The following GBE1 variants were observed in gnomAD, a reference collection of about 807,000 sequenced individuals.
GBE1 encodes the protein 1,4-alpha-glucan branching enzyme 1, also known as 1,4-alpha-glucan-branching enzyme.
Under a neutral mutation model 88.8 loss-of-function variants are expected in GBE1, and 70 were observed. That is an observed-to-expected ratio of 0.79 (90% CI 0.65 to 0.96). The LOEUF (loss-of-function observed/expected upper bound fraction) is 0.96, where lower values mean the gene tolerates loss of function less well. Among genes scored for constraint, GBE1 ranks in the 40% least tolerant of loss-of-function variants. The pLI, the probability that GBE1 is intolerant of heterozygous loss-of-function variation, is 0.00. For synonymous variants in GBE1, 284 were observed against 300.1 expected (o/e 0.95, Z 0.56); for missense variants, 872 against 871.0 (o/e 1.00, Z -0.01).
intron 7 of GBE1, among the ~76,000 whole-genome samples, chr3:81,633,551 A>G (rs1704548196): frequency 1.3e-5 from 2 of 152,200 alleles, no homozygotes; most frequent in African/African-American, 4.8e-5. Context: ...TTAACTATAC[A>G]GATTTCTTTA....
intron 14 of GBE1, among the ~76,000 whole-genome samples, chr3:81,522,100 G>A (rs762567832): frequency 1.3e-5 from 2 of 151,408 alleles, no homozygotes; most frequent in Non-Finnish European, 3.0e-5. Flanking sequence ...TAAGAGGTCT[G>A]GAAAGTATCA....
Position 81,761,574 on chromosome 3 carries a change from C to A in GBE1, c.-57G>T. 6.5e-7 allele frequency: 1 copy of A among 1,548,448 alleles called. No individual in the cohort carries two copies. The highest frequency in any genetic ancestry group is 8.7e-7 in the Non-Finnish European group (1 of 1,149,954). On this transcript the variant is annotated 5_prime_UTR_variant, in exon 1 of 16. Coordinates refer to ENST00000429644, the MANE Select transcript of GBE1 (RefSeq NM_000158.4). ...AGAGGTCGAGTGGGGCCTGAGCGGG[C>A]GCTGGAGCTCTAGCTGGGACGCGGC...
chr3:81,513,948 T>G (rs1353114456), intron 14 of GBE1, among the ~76,000 whole-genome samples: 1 of 151,622 alleles, frequency 6.6e-6, no homozygotes, highest in Non-Finnish European at 1.5e-5. Context: ...CCACTATCCT[T>G]GCAATGAGAG....
At chr3:81,615,757 T>A (rs1418548438) in intron 7 of GBE1, among the ~76,000 whole-genome samples, 1 of 152,228 alleles carries the variant, frequency 6.6e-6, no homozygotes, top group Non-Finnish European at 1.5e-5. Context: ...TGTTTCTGTG[T>A]GAAAACAGTT....
chr3:81,541,222 C>T (rs928753018), intron 12 of GBE1, among the ~76,000 whole-genome samples: 5 of 151,694 alleles, frequency 3.3e-5, no homozygotes, highest in African/African-American at 7.3e-5. Flanking sequence ...TATCAGAGGA[C>T]GATATTAACT....
At chr3:81,626,628 G>C (rs1025899975) in intron 7 of GBE1, among the ~76,000 whole-genome samples, 1 of 151,648 alleles carries the variant, frequency 6.6e-6, no homozygotes, top group Non-Finnish European at 1.5e-5. Flanking sequence ...CAGCCCCAGT[G>C]CATGAAAAGC....
intron 14 of GBE1, among the ~76,000 whole-genome samples, chr3:81,504,373 A>G (rs964746090): frequency 6.6e-6 from 1 of 152,064 alleles, no homozygotes; most frequent in Admixed American, 6.6e-5. Context: ...GAGATTTACT[A>G]TACTTGTTCT....
chr3:81,697,570 G>A (rs1230956543), intron 2 of GBE1, among the ~76,000 whole-genome samples: 1 of 152,116 alleles, frequency 6.6e-6, no homozygotes, highest in Non-Finnish European at 1.5e-5. Flanking sequence ...AAAGTGCTGG[G>A]ATTACAGGCG....
At chr3:81,603,840 T>C (rs1349260144) in intron 7 of GBE1, among the ~76,000 whole-genome samples, 2 of 152,082 alleles carry the variant, frequency 1.3e-5, no homozygotes, top group Non-Finnish European at 2.9e-5. Flanking sequence ...AGGCTAACAT[T>C]TCTGAGTTTT....
chr3:81,751,797 C>T (rs1706531333), intron 1 of GBE1, among the ~76,000 whole-genome samples: 1 of 152,112 alleles, frequency 6.6e-6, no homozygotes, highest in Admixed American at 6.6e-5. Context: ...AAATGCATAA[C>T]CAATTTTATC....
chr3:81,582,738 A>T (rs1318729818), intron 10 of GBE1, among the ~76,000 whole-genome samples: 3 of 152,146 alleles, frequency 2.0e-5, no homozygotes, highest in Non-Finnish European at 4.4e-5. Flanking sequence ...TATTGCACAG[A>T]ACTTAACTCA....
chr3:81,619,469 CAATT>C (rs1284999906), intron 7 of GBE1, among the ~76,000 whole-genome samples: 1 of 152,046 alleles, frequency 6.6e-6, no homozygotes, highest in Non-Finnish European at 1.5e-5. Context: ...TTAAAACTGA[CAATT>C]AGATTATTTA....
intron 2 of GBE1, among the ~76,000 whole-genome samples, chr3:81,675,983 T>C (rs542371102): frequency 6.6e-6 from 1 of 152,154 alleles, no homozygotes. Context: ...AAGATCTTTA[T>C]GATGATCCAC....
chr3:81,738,648 TG>T (rs1457246003), intron 1 of GBE1, among the ~76,000 whole-genome samples: 1 of 152,278 alleles, frequency 6.6e-6, no homozygotes, highest in East Asian at 1.9e-4. Flanking sequence ...TTCCATACCC[TG>T]GAATGTAATT....
chr3:81,670,535 C>T (rs1318311693), intron 3 of GBE1, among the ~76,000 whole-genome samples: 3 of 152,114 alleles, frequency 2.0e-5, no homozygotes, highest in Non-Finnish European at 4.4e-5. Flanking sequence ...TTAAACTTTC[C>T]GTTTCCCAAG....
intron 12 of GBE1, among the ~76,000 whole-genome samples, chr3:81,543,539 C>T (rs140642430): frequency 6.6e-6 from 1 of 152,158 alleles, no homozygotes; most frequent in African/African-American, 2.4e-5. Context: ...CTGGAAAATG[C>T]CTGTTAGTAT....
At chr3:81,670,269 G>A (rs1705171492) in intron 3 of GBE1, among the ~76,000 whole-genome samples, 1 of 152,186 alleles carries the variant, frequency 6.6e-6, no homozygotes, top group Admixed American at 6.5e-5. Context: ...CAGAGGGAGT[G>A]TGGAGGACGC....
chr3:81,507,661 C>T (rs1559627621), intron 14 of GBE1, among the ~76,000 whole-genome samples: 1 of 149,256 alleles, frequency 6.7e-6, no homozygotes, highest in Non-Finnish European at 1.5e-5. Context: ...TTTCTTTATA[C>T]ATATATGTGT....
intron 9 of GBE1, among the ~76,000 whole-genome samples, chr3:81,588,459 A>G (rs2106948409): frequency 6.6e-6 from 1 of 152,316 alleles, no homozygotes; most frequent in East Asian, 1.9e-4. Flanking sequence ...TCAAGAAAAT[A>G]TTAAGGCATG....
Sources: gnomAD v4.1 joint callset for allele counts (sites outside exome capture counted in the v4.1 genomes callset) on GRCh38, gnomAD v4.1.1 for gene constraint, MANE v1.5 for transcripts, NCBI Gene and HGNC (gene_info 2026-07-23, HGNC 2026-07-21) for gene names.